The following ERCC4 variants were observed in gnomAD, a reference collection of about 807,000 sequenced individuals.
ERCC4 encodes the protein DNA repair endonuclease XPF.
ERCC4 carries 65 observed loss-of-function variants against 76.9 expected under a neutral mutation model. That is an observed-to-expected ratio of 0.84 (90% CI 0.69 to 1.04). ERCC4 has a LOEUF of 1.04. Among genes scored for constraint, ERCC4 ranks in the 50% least tolerant of loss-of-function variants. The pLI, the probability that ERCC4 is intolerant of heterozygous loss-of-function variation, is 0.00. For missense variants in ERCC4, 1,214 were observed against 1,128.2 expected, an observed-to-expected ratio of 1.08 and a Z score of -1.09; for synonymous variants, 463 against 410.1, an observed-to-expected ratio of 1.13 and a Z score of -1.56.
In ERCC4 at chr16:13,930,791, C is replaced by G. The variant is rs759268826; in HGVS notation, c.874C>G (p.Arg292Gly). 1.2e-6 allele frequency: 2 copies of G among 1,611,604 alleles called. No individual in the cohort carries two copies. The highest frequency in any genetic ancestry group is 1.3e-5 in the African/African-American group (1 of 74,868). The part of the protein sequence containing the change: ...KSLVQDLKIL[R>G]TLLQYLSQYD... ...CTTAGTTCAGGATTTGAAGATATTACGAACTTTGCTGCAGTATCTCTCTCA... is the reference window on the plus strand; with the variant it reads ...CTTAGTTCAGGATTTGAAGATATTAGGAACTTTGCTGCAGTATCTCTCTCA... The change falls in exon 5 of 11, where the codon CGA becomes GGA. Residue 292 changes from arginine (R) to glycine (G), a missense_variant. Transcript: ENST00000311895.
At chr16:13,947,107 A>G (rs1029136023) in intron 10 of ERCC4, among the ~76,000 whole-genome samples, 1 of 152,176 alleles carries the variant, frequency 6.6e-6, no homozygotes, top group Non-Finnish European at 1.5e-5. Context: ...TGTGCATGTT[A>G]TAATGTGAGA....
rs566325830 is a variant in ERCC4, at chr16:13,932,479, C to T, written c.1102+194C>T. ...TGTAAAGTATATGTGTAATGTATGT[C>T]GAAGTATACAGCATGGCAAGTCTTG... On this transcript the variant is annotated intron_variant, in intron 6 of 10. Coordinates refer to ENST00000311895, the MANE Select transcript of ERCC4 (RefSeq NM_005236.3). The T allele has an allele frequency of 4.0e-5, 25 of 617,452 alleles. No individual in the cohort carries two copies. In the African/African-American group the frequency reaches 4.4e-4, roughly 11 times the overall value. The allele number at this position is 617,452 out of a possible 1,614,324, so 38.2% of individuals were successfully genotyped here. A position where few individuals can be genotyped will look rare whatever the true frequency, so the allele number is the denominator to read the frequency against.
chr16:13,937,228 CT>C (rs894144371), intron 8 of ERCC4, among the ~76,000 whole-genome samples: 2 of 151,806 alleles, frequency 1.3e-5, no homozygotes, highest in African/African-American at 4.8e-5. Context: ...AAAACCAGGA[CT>C]TTTCTAAGAG....
chr16:13,927,970 C>G lies in ERCC4; in HGVS notation c.585-58C>G, dbSNP rs943532569. ...TAAAAATGGGGTGTTAAACCAAGACCAGAAATACATAGCTGCTGAAACTCT... is the reference window on the plus strand; with the variant it reads ...TAAAAATGGGGTGTTAAACCAAGACGAGAAATACATAGCTGCTGAAACTCT... On this transcript the variant is annotated intron_variant, in intron 3 of 10. Transcript: ENST00000311895. 101 of 1,298,854 alleles carry G rather than the reference C, an allele frequency of 7.8e-5. No individual in the cohort carries two copies. In the Middle Eastern group the frequency reaches 9.0e-4, roughly 12 times the overall value. 80.5% of individuals were successfully genotyped at this position (1,298,854 alleles called of 1,614,324 possible). A position where few individuals can be genotyped will look rare whatever the true frequency, so the allele number is the denominator to read the frequency against.
intron 9 of ERCC4, among the ~76,000 whole-genome samples, chr16:13,942,735 C>T (rs1269053456): frequency 1.3e-5 from 2 of 152,168 alleles, no homozygotes; most frequent in Admixed American, 6.5e-5. Flanking sequence ...ACTCTAACCC[C>T]CTAAGATTAT....
Position 13,948,451 on chromosome 16 carries a change from C to A in ERCC4, c.*104C>A. ...ATTGGTTTGCTATTTCATTCTTTTC[C>A]AATGCTCTTAATGATTGTACGGTGG... is the stretch of plus-strand genomic sequence containing the variant. On this transcript the variant is annotated 3_prime_UTR_variant, in exon 11 of 11. Coordinates refer to ENST00000311895, the MANE Select transcript of ERCC4 (RefSeq NM_005236.3). 2 of 1,344,166 alleles carry A rather than the reference C, an allele frequency of 1.5e-6. No homozygotes were observed. The highest frequency in any genetic ancestry group is 2.1e-6 in the Non-Finnish European group (2 of 951,238). The allele number at this position is 1,344,166 out of a possible 1,614,324, so 83.3% of individuals were successfully genotyped here.
chr16:13,950,858 A>G lies in ERCC4; in HGVS notation c.*2511A>G, dbSNP rs184381372. On this transcript the variant is annotated 3_prime_UTR_variant, in exon 11 of 11. Coordinates refer to ENST00000311895, the MANE Select transcript of ERCC4 (RefSeq NM_005236.3). The stretch of plus-strand genomic sequence containing the variant: ...GGTCTTCCTAAAGCTACCATTTTCA[A>G]CCGTCCTTGTTATCTAGTACAACAT... 2.0e-4 allele frequency: 39 copies of G among 199,118 alleles called. 1 individual carries two copies. Among genetic ancestry groups the G allele is most frequent in the Non-Finnish European group, 3.4e-4 (33 of 96,310 alleles). The allele number at this position is 199,118 out of a possible 1,614,324, so 12.3% of individuals were successfully genotyped here.
intron 10 of ERCC4, among the ~76,000 whole-genome samples, chr16:13,947,122 G>A (rs2032529740): frequency 6.6e-6 from 1 of 152,294 alleles, no homozygotes; most frequent in African/African-American, 2.4e-5. Flanking sequence ...GTGAGAAGCT[G>A]TGGTCTAAGA....
rs1333280201 is a variant in ERCC4 at position 13,932,192 on chromosome 16, A to G, written c.1009A>G (p.Ile337Val). The change falls in exon 6 of 11, where the codon ATA becomes GTA. Residue 337 changes from isoleucine to valine, a missense_variant. By Grantham distance (29) the Ile-to-Val change is conservative. Coordinates refer to ENST00000311895, the MANE Select transcript of ERCC4 (RefSeq NM_005236.3). ...TCTTGACTCCAGCACCTCGATGTTT[A>G]TAAATGCTCGAGCAAGGGTTTATCA... ...LFLDSSTSMF[I>V]NARARVYHLP... 2.5e-6 allele frequency: 4 copies of G among 1,613,416 alleles called. No homozygotes were observed. Among genetic ancestry groups the G allele is most frequent in the African/African-American group, 1.3e-5 (1 of 75,052 alleles).
chr16:13,926,479 TG>T, intron 2 of ERCC4, 81 bp from the exon 3 acceptor site: 1 of 1,200,088 alleles, frequency 8.3e-7, no homozygotes, highest in South Asian at 1.2e-5. Context: ...TTCATTCTCT[TG>T]TAAGTACTTA....
chr16:13,921,372 C>T (rs562429000), intron 1 of ERCC4, among the ~76,000 whole-genome samples: 1 of 152,248 alleles, frequency 6.6e-6, no homozygotes, highest in East Asian at 1.9e-4. Flanking sequence ...GGGGACACAG[C>T]TTGGTCGGAC....
chr16:13,928,126 C>T lies in ERCC4; in HGVS notation c.683C>T (p.Ala228Val), dbSNP rs749895744. The stretch of plus-strand genomic sequence containing the variant: ...CCTACCATGCTTGCTATACAGACTG[C>T]TATACTGGACATTTTAAATGCATGT... ...MTPTMLAIQTAILDILNACLK... is the reference protein window; with the variant it reads ...MTPTMLAIQTVILDILNACLK... Residue 228 changes from alanine (A) to valine (V), a missense_variant, in exon 4 of 11, where the codon GCT becomes GTT. Transcript: ENST00000311895. 3.7e-6 allele frequency: 6 copies of T among 1,612,414 alleles called. No individual in the cohort carries two copies. In the South Asian group the frequency reaches 6.6e-5, roughly 18 times the overall value.
chr16:13,922,397 G>C (rs1032984252), intron 2 of ERCC4, 186 bp downstream of exon 2: 10 of 759,682 alleles, frequency 1.3e-5, no homozygotes, highest in Non-Finnish European at 2.4e-5. Flanking sequence ...GGGGGTGTTC[G>C]GTCCTTGCAG....
chr16:13,938,716 C>T (rs1012251679), intron 9 of ERCC4, among the ~76,000 whole-genome samples: 5 of 152,168 alleles, frequency 3.3e-5, no homozygotes, highest in Non-Finnish European at 5.9e-5. Context: ...CAATGGAGGG[C>T]AGAAATTATT....
Position 13,935,639 on chromosome 16 carries a change from A to G in ERCC4, c.1707A>G (p.Val569=). 6.2e-7 allele frequency: 1 copy of G among 1,614,084 alleles called. No individual in the cohort carries two copies. The highest frequency in any genetic ancestry group is 8.5e-7 in the Non-Finnish European group (1 of 1,179,974). ...GCSDPYALTR[V]LHEVEPRYVV... ...GCGACCCCTATGCTCTGACAAGGGT[A>G]CTACATGAAGTGGAGCCAAGATACG... Residue 569 remains valine (V), a synonymous_variant, in exon 8 of 11, where the codon GTA becomes GTG. Transcript: ENST00000311895.
chr16:13,946,259 CATT>C (rs1454666909), intron 10 of ERCC4, among the ~76,000 whole-genome samples: 1 of 152,198 alleles, frequency 6.6e-6, no homozygotes, highest in Non-Finnish European at 1.5e-5. Context: ...AGAAATGTGT[CATT>C]AGGCGATTTC....
intron 4 of ERCC4, among the ~76,000 whole-genome samples, chr16:13,928,481 A>G (rs2032111870): frequency 1.3e-5 from 2 of 152,200 alleles, no homozygotes; most frequent in African/African-American, 4.8e-5. Flanking sequence ...TATTTTAACT[A>G]TAATCAAGAA....
intron 2 of ERCC4, among the ~76,000 whole-genome samples, chr16:13,926,123 A>G (rs2032067852): frequency 6.6e-6 from 1 of 152,148 alleles, no homozygotes; most frequent in Admixed American, 6.5e-5. Flanking sequence ...TACATTAAAA[A>G]AAAAAAATTC....
chr16:13,939,215 A>G (rs1420972542), intron 9 of ERCC4, among the ~76,000 whole-genome samples: 1 of 152,118 alleles, frequency 6.6e-6, no homozygotes, highest in African/African-American at 2.4e-5. Context: ...TGTCTGCTAG[A>G]CCTTCACGCC....
Sources: allele counts gnomAD v4.1 joint callset (sites outside exome capture counted in the v4.1 genomes callset), GRCh38; gene constraint gnomAD v4.1.1; transcripts MANE v1.5; gene names NCBI Gene and HGNC (gene_info 2026-07-23, HGNC 2026-07-21).